Variants in DUS2 observed in about 807,000 individuals in gnomAD.
DUS2 encodes tRNA-dihydrouridine(20) synthase [NAD(P)+]-like.
In DUS2, 52 loss-of-function variants were observed where a neutral mutation model predicts 71.3. The observed-to-expected ratio is 0.73, with a 90% CI of 0.58 to 0.92. The LOEUF (loss-of-function observed/expected upper bound fraction) is 0.92, where lower values mean the gene tolerates loss of function less well. DUS2 is among the 40% of genes least tolerant of loss of function. The probability of loss-of-function intolerance (pLI) is 0.00; values close to 1 mark genes in which losing one functional copy is unlikely to be tolerated. For synonymous variants in DUS2, 204 were observed against 227.8 expected (o/e 0.90, Z 0.94); for missense variants, 558 against 622.6 (o/e 0.90, Z 1.10).
intron 15 of DUS2, 26 bp from the exon 16 acceptor site, chr16:68,078,419 T>C (rs191285534): frequency 4.2e-4 from 672 of 1,610,510 alleles, no homozygotes; most frequent in Non-Finnish European, 5.5e-4. Flanking sequence ...TCTCTGGCCA[T>C]GTGATTCCTT....
intron 3 of DUS2, among the ~76,000 whole-genome samples, chr16:68,043,067 G>T (rs1159939970): frequency 6.6e-6 from 1 of 152,034 alleles, no homozygotes; most frequent in Admixed American, 6.6e-5. Context: ...TGCCCATGCT[G>T]GTCCCAAACA....
chr16:68,042,175 G>A (rs1475899941), intron 3 of DUS2, among the ~76,000 whole-genome samples: 1 of 152,152 alleles, frequency 6.6e-6, no homozygotes, highest in East Asian at 1.9e-4. Flanking sequence ...GCTTACCTAT[G>A]TTATAGCATG....
Position 68,066,393 on chromosome 16 carries a change from TGTGTTACATATGAA to T in DUS2, c.483+13_483+26del, listed in dbSNP as rs757049539. ...CGCATCCTGCCATCGGTAAGGATGGTGTGTTACATATGAAGGTCCATTCTCTCTGGTGATGTTGG... is the reference window on the plus strand; with the variant it reads ...CGCATCCTGCCATCGGTAAGGATGGTGGTCCATTCTCTCTGGTGATGTTGG... On this transcript the variant is annotated intron_variant, in intron 9 of 16. Transcript: ENST00000565263. The T allele has an allele frequency of 3.1e-6, 5 of 1,612,614 alleles. No individual in the cohort carries two copies. Among genetic ancestry groups the T allele is most frequent in the Non-Finnish European group, 2.5e-6 (3 of 1,178,596 alleles).
chr16:68,044,396 C>CTTT (rs1001911267), intron 3 of DUS2, among the ~76,000 whole-genome samples: 6 of 135,552 alleles, frequency 4.4e-5, no homozygotes, highest in African/African-American at 1.1e-4. Flanking sequence ...TCTTTAATTT[C>CTTT]TTTTTTTTTT....
chr16:68,032,908 C>CAAA (rs71145986), intron 2 of DUS2, among the ~76,000 whole-genome samples: 1,356 of 56,150 alleles, frequency 0.024, 48 homozygotes, highest in East Asian at 0.052. Flanking sequence ...GACTCCATCT[C>CAAA]AAAAAAAAAA....
At chr16:68,077,993 C>A (rs986063479) in intron 15 of DUS2, 7 of 173,900 alleles carry the variant, frequency 4.0e-5, no homozygotes, top group African/African-American at 1.7e-4. Flanking sequence ...CAAGCCAGCA[C>A]CTCAGCATAG....
At chr16:68,065,701 A>C (rs958092165) in intron 8 of DUS2, among the ~76,000 whole-genome samples, 5 of 151,620 alleles carry the variant, frequency 3.3e-5, no homozygotes, top group African/African-American at 1.2e-4. Flanking sequence ...CTGGTCTCAA[A>C]CTCCTGGCTT....
At position 68,040,238 on chromosome 16, in the gene DUS2, C is replaced by G. The variant is rs1598303083; in HGVS notation, c.126+2089C>G. 3.3e-5 allele frequency among the ~76,000 whole-genome samples: 5 copies of G among 152,220 alleles called. No individual in the cohort carries two copies. In the South Asian group the frequency reaches 1.0e-3, roughly 32 times the overall value. Reference sequence around the variant, plus strand: ...TAGCTGGGATCACAGGTGCCCGCCTCCATGTCCAGCTAATTTTTGTATTTA... The same window carrying G: ...TAGCTGGGATCACAGGTGCCCGCCTGCATGTCCAGCTAATTTTTGTATTTA... On this transcript the variant is annotated intron_variant, in intron 3 of 16. Coordinates refer to ENST00000565263, the MANE Select transcript of DUS2 (RefSeq NM_017803.5).
chr16:68,040,092 T>C (rs1262270511), intron 3 of DUS2, among the ~76,000 whole-genome samples: 1 of 151,894 alleles, frequency 6.6e-6, no homozygotes, highest in Non-Finnish European at 1.5e-5. Context: ...TTTTTTCTTT[T>C]TTTTTTTTTA....
In DUS2 at chr16:68,070,190, C is replaced by T. The variant is rs146463017; in HGVS notation, c.611C>T (p.Ala204Val). The T allele has an allele frequency of 9.7e-5, 156 of 1,614,160 alleles. No individual in the cohort carries two copies. The African/African-American group carries it at 2.0e-3, about 20-fold the overall frequency. The part of the protein sequence containing the change: ...PVSCEVIKAI[A>V]DTLSIPVIAN... ...AGCTGTGAAGTCATCAAAGCCATTG[C>T]TGATACCCTCTCCATTCCTGTCATA... is the stretch of plus-strand genomic sequence containing the variant. The change falls in exon 11 of 17, where the codon GCT becomes GTT. Residue 204 changes from alanine (A) to valine (V), a missense_variant. Physicochemically the swap from Ala to Val is moderately conservative, Grantham distance 64. Transcript: ENST00000565263.
At chr16:68,061,903 C>T (rs758229021) in intron 8 of DUS2, among the ~76,000 whole-genome samples, 1 of 152,218 alleles carries the variant, frequency 6.6e-6, no homozygotes, top group Non-Finnish European at 1.5e-5. Context: ...GTTCCTCCAG[C>T]CCCACTGTCT....
intron 4 of DUS2, among the ~76,000 whole-genome samples, chr16:68,050,262 C>T (rs773342577): frequency 2.0e-5 from 3 of 151,976 alleles, no homozygotes; most frequent in Non-Finnish European, 4.4e-5. Flanking sequence ...CTCAGCCTCC[C>T]GAGTAGCTGG....
chr16:68,050,773 T>G (rs1290668256), intron 4 of DUS2, among the ~76,000 whole-genome samples: 1 of 152,240 alleles, frequency 6.6e-6, no homozygotes, highest in Admixed American at 6.5e-5. Flanking sequence ...CTAGGTCATT[T>G]GCCCATGTCA....
At chr16:68,075,563 G>A (rs1424719086) in intron 14 of DUS2, 59 bp downstream of exon 14, 20 of 1,516,878 alleles carry the variant, frequency 1.3e-5, no homozygotes, top group Non-Finnish European at 6.2e-6. Flanking sequence ...GGTCCCACTG[G>A]GCCAGCACAC....
At chr16:68,052,326 A>G (rs1324104305) in intron 4 of DUS2, among the ~76,000 whole-genome samples, 2 of 152,200 alleles carry the variant, frequency 1.3e-5, no homozygotes, top group African/African-American at 4.8e-5. Context: ...GGGAGAAGAC[A>G]GAGCATCACC....
chr16:68,054,412 A>C (rs1439922527), intron 5 of DUS2, among the ~76,000 whole-genome samples, 162 bp from the exon 6 acceptor site: 1 of 152,174 alleles, frequency 6.6e-6, no homozygotes. Context: ...TTCTGCTGGC[A>C]GTGAGCTAGT....
chr16:68,024,329 C>G (rs1400075202), intron 1 of DUS2, among the ~76,000 whole-genome samples: 2 of 152,050 alleles, frequency 1.3e-5, no homozygotes, highest in Non-Finnish European at 2.9e-5. Flanking sequence ...GAACTCCTGG[C>G]CTCAAGCGAT....
At chr16:68,029,547 A>G (rs2033407378) in intron 2 of DUS2, among the ~76,000 whole-genome samples, 1 of 151,978 alleles carries the variant, frequency 6.6e-6, no homozygotes, top group African/African-American at 2.4e-5. Flanking sequence ...CACAAGTTCA[A>G]GTGATTCTCC....
intron 5 of DUS2, chr16:68,053,975 G>T: frequency 3.3e-6 from 1 of 299,778 alleles, no homozygotes; most frequent in Non-Finnish European, 6.3e-6. Flanking sequence ...CATAGTCTTT[G>T]TTTTTATGTA....
Sources: allele counts gnomAD v4.1 joint callset (sites outside exome capture counted in the v4.1 genomes callset), GRCh38; gene constraint gnomAD v4.1.1; transcripts MANE v1.5; gene names NCBI Gene and HGNC (gene_info 2026-07-23, HGNC 2026-07-21).